The following RBFOX3 variants were observed in gnomAD, a reference collection of about 807,000 sequenced individuals.
RBFOX3 encodes the protein RNA binding fox-1 homolog 3, also known as RNA binding protein fox-1 homolog 3.
A neutral mutation model predicts 48.7 loss-of-function variants in RBFOX3; 17 were observed. The ratio of observed to expected loss-of-function variants is 0.35; its 90% CI spans 0.24 to 0.52. The LOEUF is 0.52. RBFOX3 is among the 20% of genes least tolerant of loss of function. The pLI is 0.94. For synonymous variants in RBFOX3, 212 were observed against 209.5 expected (o/e 1.01, Z -0.10); for missense variants, 382 against 497.5 (o/e 0.77, Z 2.21).
chr17:79,534,043 A>G (rs1199293802), intron 1 of RBFOX3, among the ~76,000 whole-genome samples: 1 of 152,244 alleles, frequency 6.6e-6, no homozygotes, highest in Non-Finnish European at 1.5e-5. Flanking sequence ...GCATTTTTAA[A>G]TGGCTGAATT....
the RBFOX3 span, among the ~76,000 whole-genome samples, chr17:79,662,425 T>C: frequency 1.3e-5 from 2 of 151,986 alleles, no homozygotes; most frequent in Non-Finnish European, 2.9e-5. Flanking sequence ...CCCGGCTGCT[T>C]CCTGTTTATT....
chr17:79,456,579 T>C (rs2074533188), intron 2 of RBFOX3, among the ~76,000 whole-genome samples: 1 of 152,176 alleles, frequency 6.6e-6, no homozygotes, highest in Non-Finnish European at 1.5e-5. Context: ...TCTAACCATA[T>C]ACCAGACCAT....
In RBFOX3 at chr17:79,254,630, G is replaced by C. The variant is rs2064476961; in HGVS notation, c.-73-18825C>G. Among the ~76,000 whole-genome samples, 1 of 152,144 alleles carries C rather than the reference G, an allele frequency of 6.6e-6. No individual in the cohort carries two copies. The highest frequency in any genetic ancestry group is 1.5e-5 in the Non-Finnish European group (1 of 68,030). On this transcript the variant is annotated intron_variant, in intron 3 of 14. Transcript: ENST00000693108. This position sits in a 1 kb window ranked among gnomAD's most constrained non-coding sequence, Gnocchi z 4.8. Reference sequence around the variant, plus strand: ...AGGGATCTCCCACCTGCTTGGGTTGGTCTTATGCCACCAGGGGCCACTTCT... The same window carrying C: ...AGGGATCTCCCACCTGCTTGGGTTGCTCTTATGCCACCAGGGGCCACTTCT...
intron 1 of RBFOX3, among the ~76,000 whole-genome samples, chr17:79,511,923 G>A (rs1293075372): frequency 3.8e-4 from 48 of 125,512 alleles, no homozygotes; most frequent in Middle Eastern, 6.0e-3. Context: ...ACACCCACCC[G>A]GATACGTGTT....
chr17:79,370,944 T>G (rs1258588396), intron 2 of RBFOX3, among the ~76,000 whole-genome samples: 1 of 152,198 alleles, frequency 6.6e-6, no homozygotes, highest in African/African-American at 2.4e-5. Context: ...CAAGAACACC[T>G]GGAGCTCCCA....
Position 79,423,715 on chromosome 17 carries a change from G to A in RBFOX3, c.-175+58739C>T, listed in dbSNP as rs947807651. The stretch of plus-strand genomic sequence containing the variant: ...GTCAGCTCAATACATACTTGTTCAA[G>A]GAACGGACAAGGAACAAGCCCAGTG... On this transcript the variant is annotated intron_variant, in intron 2 of 14. Coordinates refer to ENST00000693108, the MANE Select transcript of RBFOX3 (RefSeq NM_001350451.2). The surrounding 1 kb of genome is among the most constrained non-coding windows in gnomAD (Gnocchi z 4.9). The A allele has an allele frequency of 6.5e-6, 1 of 153,466 alleles. No homozygotes were observed. Among genetic ancestry groups the A allele is most frequent in the African/African-American group, 2.4e-5 (1 of 41,320 alleles). The allele number at this position is 153,466 out of a possible 1,614,324, so 9.5% of individuals were successfully genotyped here. A position where few individuals can be genotyped will look rare whatever the true frequency, so the allele number is the denominator to read the frequency against.
In RBFOX3 at chr17:79,254,774, T is replaced by C. The variant is rs2064506018; in HGVS notation, c.-73-18969A>G. On this transcript the variant is annotated intron_variant, in intron 3 of 14. Transcript: ENST00000693108. This position sits in a 1 kb window ranked among gnomAD's most constrained non-coding sequence, Gnocchi z 4.8. The stretch of plus-strand genomic sequence containing the variant: ...ACAGTATCCAGGTGGACAGGTGCCT[T>C]ATCTTGGCTGGGCATGAGAGGGGTC... 6.6e-6 allele frequency among the ~76,000 whole-genome samples: 1 copy of C among 152,144 alleles called. No individual in the cohort carries two copies. The highest frequency in any genetic ancestry group is 2.4e-5 in the African/African-American group (1 of 41,438).
intron 2 of RBFOX3, among the ~76,000 whole-genome samples, chr17:79,319,577 G>T (rs1262440079): frequency 1.3e-5 from 2 of 152,062 alleles, no homozygotes; most frequent in Non-Finnish European, 2.9e-5. Context: ...GGGCTGCTGG[G>T]CCAGCTGTTC....
At chr17:79,096,356 G>A (rs1384333137) in intron 12 of RBFOX3, among the ~76,000 whole-genome samples, 2 of 152,206 alleles carry the variant, frequency 1.3e-5, no homozygotes, top group African/African-American at 4.8e-5. Flanking sequence ...GGACGTGGCA[G>A]AGTCCCACTG....
At chr17:79,462,052 A>G (rs1232852848) in intron 2 of RBFOX3, among the ~76,000 whole-genome samples, 1 of 152,238 alleles carries the variant, frequency 6.6e-6, no homozygotes, top group Non-Finnish European at 1.5e-5. Context: ...TTGTTCTGGT[A>G]GCCCTAGAAA....
At chr17:79,326,045 A>G (rs1246131175) in intron 2 of RBFOX3, among the ~76,000 whole-genome samples, 2 of 152,176 alleles carry the variant, frequency 1.3e-5, no homozygotes, top group Non-Finnish European at 2.9e-5. Flanking sequence ...CTAATCAGGC[A>G]TCCTTTCCTA....
At chr17:79,656,763 AAGGAAGGAAGGAAG>A in the RBFOX3 span, among the ~76,000 whole-genome samples, 8 of 38,496 alleles carry the variant, frequency 2.1e-4, no homozygotes, top group South Asian at 2.6e-3. Flanking sequence ...GGAAGGAAGG[AAGGAAGGAAGGAAG>A]GAAAGAAAGA....
At chr17:79,439,415 G>T (rs542806891) in intron 2 of RBFOX3, among the ~76,000 whole-genome samples, 1 of 152,326 alleles carries the variant, frequency 6.6e-6, no homozygotes, top group African/African-American at 2.4e-5. Flanking sequence ...CCTCGCCTTT[G>T]CCCAGATGTC....
chr17:79,128,807 C>T (rs1048165669), intron 4 of RBFOX3, among the ~76,000 whole-genome samples: 2 of 152,210 alleles, frequency 1.3e-5, no homozygotes, highest in African/African-American at 4.8e-5. Flanking sequence ...AGGAGCTCTT[C>T]GGGAGTCATC....
At chr17:79,292,556 T>G (rs2039527566) in intron 3 of RBFOX3, among the ~76,000 whole-genome samples, 1 of 150,494 alleles carries the variant, frequency 6.6e-6, no homozygotes, top group Non-Finnish European at 1.5e-5. Flanking sequence ...ACACTTACAG[T>G]TGGCACTGTA....
At position 79,243,872 on chromosome 17, in the gene RBFOX3, C is replaced by T. The variant is rs1167346670; in HGVS notation, c.-73-8067G>A. Among the ~76,000 whole-genome samples, 1 of 152,074 alleles carries T rather than the reference C, an allele frequency of 6.6e-6. No individual in the cohort carries two copies. The highest frequency in any genetic ancestry group is 1.5e-5 in the Non-Finnish European group (1 of 68,004). ...CAGATGGCAGTGGAGGAGACAGAGA[C>T]CCCACTGAGGATGCAGAAATGGCCT... On this transcript the variant is annotated intron_variant, in intron 3 of 14. Coordinates refer to ENST00000693108, the MANE Select transcript of RBFOX3 (RefSeq NM_001350451.2). This position sits in a 1 kb window ranked among gnomAD's most constrained non-coding sequence, Gnocchi z 7.9.
intron 1 of RBFOX3, among the ~76,000 whole-genome samples, chr17:79,506,787 C>G (rs1443743356): frequency 6.6e-6 from 1 of 152,134 alleles, no homozygotes; most frequent in African/African-American, 2.4e-5. Flanking sequence ...GGATGGGGGC[C>G]GCAGAGGAGC....
At chr17:79,349,386 G>A (rs77139791) in intron 2 of RBFOX3, among the ~76,000 whole-genome samples, 1,654 of 152,020 alleles carry the variant, frequency 0.011, 26 homozygotes, top group African/African-American at 0.038. Flanking sequence ...CCTGCCTCCC[G>A]GGGGCCACTG....
In RBFOX3 at chr17:79,299,266, G is replaced by A. The variant is rs8081143; in HGVS notation, c.-74+8458C>T. Among the ~76,000 whole-genome samples, 6 of 151,604 alleles carry A rather than the reference G, an allele frequency of 4.0e-5. No individual in the cohort carries two copies. Among genetic ancestry groups the A allele is most frequent in the Admixed American group, 2.0e-4 (3 of 15,234 alleles). ...CACAACCCCGGATGGCATCAGGCTC[G>A]GTTAGGGGCTGAGTTTTGTCCCCTC... On this transcript the variant is annotated intron_variant, in intron 3 of 14. Coordinates refer to ENST00000693108, the MANE Select transcript of RBFOX3 (RefSeq NM_001350451.2). This position sits in a 1 kb window ranked among gnomAD's most constrained non-coding sequence, Gnocchi z 4.5.
Sources: allele counts gnomAD v4.1 joint callset (sites outside exome capture counted in the v4.1 genomes callset), GRCh38; gene constraint gnomAD v4.1.1; non-coding constraint Gnocchi (gnomAD v3.1); transcripts MANE v1.5; gene names NCBI Gene and HGNC (gene_info 2026-07-23, HGNC 2026-07-21).